ZNF385D: variants seen among roughly 807,000 people sequenced by gnomAD.
The protein encoded by ZNF385D is zinc finger protein 659.
ZNF385D carries 15 observed loss-of-function variants against 35.8 expected under a neutral mutation model. The ratio of observed to expected loss-of-function variants is 0.42; its 90% confidence interval spans 0.28 to 0.64. ZNF385D has a LOEUF of 0.64. ZNF385D is among the 30% of genes least tolerant of loss of function. The probability of loss-of-function intolerance (pLI) is 0.23; values close to 1 mark genes in which losing one functional copy is unlikely to be tolerated. For missense variants in ZNF385D, 474 were observed against 494.6 expected (o/e 0.96, Z 0.39); for synonymous variants, 212 against 186.8 (o/e 1.13, Z -1.10).
chr3:21,584,952 A>ATATT (rs1311413451), intron 2 of ZNF385D, among the ~76,000 whole-genome samples: 2 of 152,208 alleles, frequency 1.3e-5, no homozygotes, highest in Non-Finnish European at 2.9e-5. Flanking sequence ...TTTTGCAGCT[A>ATATT]TATTTCCTTT....
At chr3:21,789,922 G>T (rs2071857423) in intron 3 of ZNF385D, among the ~76,000 whole-genome samples, 1 of 152,158 alleles carries the variant, frequency 6.6e-6, no homozygotes, top group African/African-American at 2.4e-5. Context: ...TGGGTAAGGG[G>T]ATGAAAAGCT....
At chr3:21,919,337 T>A (rs1222681662) in intron 3 of ZNF385D, among the ~76,000 whole-genome samples, 1 of 152,204 alleles carries the variant, frequency 6.6e-6, no homozygotes, top group Non-Finnish European at 1.5e-5. Flanking sequence ...ACAATGACAA[T>A]TATAATGCAC....
chr3:21,478,372 T>C (rs1032529740), intron 4 of ZNF385D, among the ~76,000 whole-genome samples: 1 of 152,100 alleles, frequency 6.6e-6, no homozygotes, highest in South Asian at 2.1e-4. Flanking sequence ...CACCATGCAA[T>C]TGACTTTGGT....
intron 3 of ZNF385D, among the ~76,000 whole-genome samples, chr3:22,006,806 T>A (rs1696237951): frequency 6.6e-6 from 1 of 151,284 alleles, no homozygotes; most frequent in Admixed American, 6.6e-5. Flanking sequence ...AACCAAAAAC[T>A]AAAAGGGAAC....
At chr3:21,825,451 T>C (rs575893666) in intron 3 of ZNF385D, among the ~76,000 whole-genome samples, 10 of 152,110 alleles carry the variant, frequency 6.6e-5, no homozygotes, top group Non-Finnish European at 1.5e-4. Flanking sequence ...AAAACTAAAA[T>C]TGGCTTAAAT....
At chr3:21,784,421 G>A (rs948917060) in intron 3 of ZNF385D, among the ~76,000 whole-genome samples, 15 of 152,080 alleles carry the variant, frequency 9.9e-5, no homozygotes, top group Non-Finnish European at 1.3e-4. Context: ...TGTGCTTTAA[G>A]TGTGTTAATA....
At chr3:22,333,439 G>A (rs116013679) in intron 2 of ZNF385D, among the ~76,000 whole-genome samples, 3,907 of 151,760 alleles carry the variant, frequency 0.026, 78 homozygotes, top group Non-Finnish European at 0.039. Context: ...GTCCCATAAG[G>A]CTGTAATGCT....
intron 3 of ZNF385D, among the ~76,000 whole-genome samples, chr3:21,949,546 C>CTTTTT (rs1553705221): frequency 6.4e-5 from 2 of 31,160 alleles, no homozygotes; most frequent in African/African-American, 1.4e-4. Context: ...TCCTTCTTTT[C>CTTTTT]TTTCTTTCTT....
intron 3 of ZNF385D, among the ~76,000 whole-genome samples, chr3:22,100,481 C>T (rs1701873107): frequency 6.6e-6 from 1 of 151,874 alleles, no homozygotes; most frequent in African/African-American, 2.4e-5. Flanking sequence ...GGCACATATA[C>T]ACCATGGATA....
At chr3:22,101,074 A>G (rs1701915688) in intron 3 of ZNF385D, among the ~76,000 whole-genome samples, 1 of 151,990 alleles carries the variant, frequency 6.6e-6, no homozygotes. Flanking sequence ...AAGTTAATGA[A>G]AACTTAGAGA....
intron 2 of ZNF385D, among the ~76,000 whole-genome samples, chr3:22,191,860 A>G (rs1696055080): frequency 6.6e-6 from 1 of 152,190 alleles, no homozygotes; most frequent in African/African-American, 2.4e-5. Context: ...GAATGTATCA[A>G]TATTTTACTT....
In ZNF385D at chr3:21,725,491, T is replaced by C. The variant is rs558744002; in HGVS notation, c.22+25404A>G. Among the ~76,000 whole-genome samples, 36 of 152,154 alleles carry C rather than the reference T, an allele frequency of 2.4e-4. 1 individual carries two copies. The South Asian group carries it at 7.5e-3, about 32-fold the overall frequency. On this transcript the variant is annotated intron_variant, in intron 1 of 7. Transcript: ENST00000281523. ...ATCAAATAGATGCAATAAAAAATGA[T>C]ACAGGGGATATCACAACTGATCCCA...
chr3:21,731,612 C>T (rs1448570212), intron 1 of ZNF385D, among the ~76,000 whole-genome samples: 3 of 152,188 alleles, frequency 2.0e-5, no homozygotes, highest in African/African-American at 7.2e-5. Flanking sequence ...ATTACAGTAA[C>T]ATACAGAATA....
rs76571524 is a variant in ZNF385D, at chr3:21,885,895, G to C, written c.326-220867C>G. Among the ~76,000 whole-genome samples the C allele has an allele frequency of 6.0e-3, 911 of 152,074 alleles. 6 individuals carry two copies. The highest frequency in any genetic ancestry group is 0.021 in the African/African-American group (874 of 41,516). On this transcript the variant is annotated intron_variant, in intron 3 of 5. Coordinates refer to the ZNF385D transcript ENST00000494108. ...GTCCAAAATAATTCCTCCTAGCTCA[G>C]TGGAGGTCAGTCTTTGTCTATTAAG...
chr3:21,686,972 A>G (rs1203895099), intron 1 of ZNF385D, among the ~76,000 whole-genome samples: 2 of 152,178 alleles, frequency 1.3e-5, no homozygotes, highest in Non-Finnish European at 2.9e-5. Context: ...CACTGGCCTC[A>G]TAACTTGTCT....
rs1173240594 is a variant in ZNF385D, at chr3:21,516,674, T to A, written c.277-5651A>T. On this transcript the variant is annotated intron_variant, in intron 3 of 7. Coordinates refer to ENST00000281523, the MANE Select transcript of ZNF385D (RefSeq NM_024697.3). ...ATTCAAGCCTGAAGTCAAAGTCATC[T>A]CTTTGAGTCTACTCTTGGGGTTTAC... Among the ~76,000 whole-genome samples, 2 of 152,208 alleles carry A rather than the reference T, an allele frequency of 1.3e-5. 1 individual carries two copies.
At chr3:22,129,193 T>A (rs984698986) in intron 3 of ZNF385D, among the ~76,000 whole-genome samples, 22 of 151,318 alleles carry the variant, frequency 1.5e-4, no homozygotes, top group African/African-American at 4.8e-4. Context: ...AAACAGAGTC[T>A]CTCTCTCTCT....
At chr3:22,279,153 G>C (rs987623749) in intron 2 of ZNF385D, among the ~76,000 whole-genome samples, 3 of 152,020 alleles carry the variant, frequency 2.0e-5, no homozygotes, top group Middle Eastern at 3.4e-3. Flanking sequence ...GGTGATGTTT[G>C]GTTACATGAA....
At chr3:21,600,352 G>A (rs778151077) in intron 2 of ZNF385D, among the ~76,000 whole-genome samples, 2 of 152,062 alleles carry the variant, frequency 1.3e-5, no homozygotes, top group Non-Finnish European at 2.9e-5. Context: ...CCCCTTTGTT[G>A]TAATACTCCC....
Sources: allele counts gnomAD v4.1 joint callset (sites outside exome capture counted in the v4.1 genomes callset), GRCh38; gene constraint gnomAD v4.1.1; transcripts MANE v1.5; gene names NCBI Gene and HGNC (gene_info 2026-07-23, HGNC 2026-07-21).